Variants in CCDC88B observed in about 807,000 individuals in gnomAD.
CCDC88B encodes the protein coiled-coil domain-containing protein 88B.
CCDC88B carries 138 observed loss-of-function variants against 183.7 expected under a neutral mutation model. That is an observed-to-expected ratio of 0.75 (90% confidence interval 0.65 to 0.87). The LOEUF (loss-of-function observed/expected upper bound fraction) is 0.87, where lower values mean the gene tolerates loss of function less well. Ranked by LOEUF, CCDC88B falls within the 40% of genes least tolerant of loss-of-function variation. The pLI is 0.00. For missense variants in CCDC88B, 1,822 were observed against 1,965.6 expected (o/e 0.93, Z 1.38); for synonymous variants, 835 against 867.5 (o/e 0.96, Z 0.66).
intron 20 of CCDC88B, 74 bp downstream of exon 20, chr11:64,352,961 T>A: frequency 6.6e-7 from 1 of 1,508,238 alleles, no homozygotes; most frequent in Non-Finnish European, 8.9e-7. Context: ...TGTGGGGTCC[T>A]GTCTGGCCTC....
intron 14 of CCDC88B, 97 bp downstream of exon 14, chr11:64,345,254 G>T: frequency 7.4e-7 from 1 of 1,345,636 alleles, no homozygotes; most frequent in Non-Finnish European, 1.0e-6. Flanking sequence ...TGGGTGCCCA[G>T]CACTGAGCTG....
intron 17 of CCDC88B, 33 bp from the exon 18 acceptor site, chr11:64,351,443 A>C (rs775311599): frequency 6.4e-7 from 1 of 1,569,934 alleles, no homozygotes; most frequent in South Asian, 1.2e-5. Context: ...TGCCCCCGCC[A>C]CCTGGCTATT....
chr11:64,347,371 C>T (rs191081826), intron 14 of CCDC88B, among the ~76,000 whole-genome samples: 40 of 152,328 alleles, frequency 2.6e-4, no homozygotes, highest in Non-Finnish European at 4.1e-4. Flanking sequence ...GGCCCCAGTG[C>T]TAGGGGACCT....
At chr11:64,348,773 C>T in intron 14 of CCDC88B, 1 of 553,376 alleles carries the variant, frequency 1.8e-6, no homozygotes, top group Non-Finnish European at 3.2e-6. Context: ...CCAGAATGGG[C>T]CTCCCGTCTC....
chr11:64,341,960 A>G lies in CCDC88B; in HGVS notation c.676-34A>G, dbSNP rs371949923. The G allele has an allele frequency of 1.5e-5, 24 of 1,607,206 alleles. No homozygotes were observed. In the African/African-American group the frequency reaches 3.1e-4, roughly 21 times the overall value. ...GGGTCGATGTGCAGAGGCATTGGAT[A>G]AGTTAGTCCTGACCCTTGACCCCTG... On this transcript the variant is annotated intron_variant, in intron 7 of 26. Coordinates refer to ENST00000356786, the MANE Select transcript of CCDC88B (RefSeq NM_032251.6).
chr11:64,353,103 G>A lies in CCDC88B; in HGVS notation c.3550G>A (p.Gly1184Ser). ...ELSRERGELQ[G>S]ERGELRGRLA... ...GTCTCGGGAGCGGGGTGAGCTGCAG[G>A]GTGAACGCGGGGAGCTACGGGGCCG... Residue 1184 changes from glycine (G) to serine (S), a missense_variant, in exon 21 of 27, where the codon GGT (glycine) becomes AGT (serine). Physicochemically the swap from Gly to Ser is moderately conservative, Grantham distance 56 (BLOSUM62 0). Transcript: ENST00000356786. 1 of 1,607,288 alleles carries A rather than the reference G, an allele frequency of 6.2e-7. No individual in the cohort carries two copies. Among genetic ancestry groups the A allele is most frequent in the African/African-American group, 1.3e-5 (1 of 74,902 alleles).
rs573080258 is a variant in CCDC88B, at chr11:64,343,794, G to A, written c.1335G>A (p.Ala445=). The A allele has an allele frequency of 1.9e-5, 30 of 1,579,684 alleles. No individual in the cohort carries two copies. Among genetic ancestry groups the A allele is most frequent in the South Asian group, 3.5e-5 (3 of 86,586 alleles). Residue 445 remains alanine, a synonymous_variant, in exon 13 of 27, where the codon GCG becomes GCA. Transcript: ENST00000356786. ...GSPGEAPLAG[A]APSLQDEVRE... ...CATCCTCAGCACCCCTAGCAGGAGCGGCCCCCTCGCTGCAAGATGAGGTGA... is the reference window on the plus strand; with the variant it reads ...CATCCTCAGCACCCCTAGCAGGAGCAGCCCCCTCGCTGCAAGATGAGGTGA...
chr11:64,342,565 G>T lies in CCDC88B; in HGVS notation c.947G>T (p.Arg316Leu). The T allele has an allele frequency of 6.5e-7, 1 of 1,531,734 alleles. No homozygotes were observed. The highest frequency in any genetic ancestry group is 8.7e-7 in the Non-Finnish European group (1 of 1,145,404). 94.9% of individuals were successfully genotyped at this position (1,531,734 alleles called of 1,614,324 possible). A position where few individuals can be genotyped will look rare whatever the true frequency, so the allele number is the denominator to read the frequency against. The change falls in exon 10 of 27, where the codon CGC (arginine) becomes CTC (leucine). Residue 316 changes from arginine to leucine, a missense_variant. Arg to Leu is a moderately radical substitution (Grantham distance 102). Coordinates refer to ENST00000356786, the MANE Select transcript of CCDC88B (RefSeq NM_032251.6). ...SGQAKRAELY[R>L]EEAEALRERA... ...CAGGCCAAGCGGGCCGAGCTGTACC[G>T]CGAGGAGGCAGAGGCGCTGCGGGAG...
rs376776335 is a variant in CCDC88B, at chr11:64,340,521, G to T, written c.61-86G>T. On this transcript the variant is annotated intron_variant, in intron 1 of 26. Transcript: ENST00000356786. ...ACAGAGGCACTCAGAGGACGGGTGA[G>T]AAGGGGTGCTTGGGCTCACTGGGGC... is the stretch of plus-strand genomic sequence containing the variant. 3.5e-4 allele frequency: 544 copies of T among 1,534,778 alleles called. 2 individuals carry two copies. In the African/African-American group the frequency reaches 6.6e-3, roughly 19 times the overall value.
rs748329630 is a variant in CCDC88B at position 64,344,809 on chromosome 11, G to A, written c.2268G>A (p.Glu756=). ...DELEAQARKL[E]AQNTEAARLS... ...TGGAAGCCCAGGCCCGCAAGCTGGA[G>A]GCCCAAAACACGGAGGCTGCCCGCC... Residue 756 remains glutamate (E), a synonymous_variant, in exon 14 of 27, where the codon GAG becomes GAA. Transcript: ENST00000356786. The surrounding 1 kb of genome is among the most constrained non-coding windows in gnomAD (Gnocchi z 4.5). The A allele has an allele frequency of 7.4e-6, 12 of 1,612,460 alleles. No individual in the cohort carries two copies. The highest frequency in any genetic ancestry group is 1.0e-5 in the Non-Finnish European group (12 of 1,179,402).
intron 16 of CCDC88B, 93 bp from the exon 17 acceptor site, chr11:64,351,067 T>C (rs1254097503): frequency 1.6e-5 from 14 of 861,866 alleles, no homozygotes; most frequent in Non-Finnish European, 2.2e-5. Flanking sequence ...GGCTAAATGC[T>C]GCTGGCAGGG....
intron 16 of CCDC88B, 39 bp downstream of exon 16, chr11:64,349,707 C>A: frequency 6.5e-7 from 1 of 1,534,222 alleles, no homozygotes. Context: ...GCCATGCCAC[C>A]CTGCCCTCCA....
intron 2 of CCDC88B, 49 bp from the exon 3 acceptor site, chr11:64,340,858 G>A: frequency 1.3e-6 from 2 of 1,535,320 alleles, no homozygotes. Context: ...GACGGTGGGC[G>A]AGGCCTGTTG....
chr11:64,351,399 G>A, intron 17 of CCDC88B, 77 bp from the exon 18 acceptor site: 1 of 1,540,616 alleles, frequency 6.5e-7, no homozygotes, highest in South Asian at 1.2e-5. Flanking sequence ...GCCCCATGCA[G>A]TGTGAGTGTG....
At position 64,340,644 on chromosome 11, in the gene CCDC88B, A is replaced by G. The variant is rs778183435; in HGVS notation, c.98A>G (p.Asp33Gly). The G allele has an allele frequency of 6.2e-7, 1 of 1,610,614 alleles. No homozygotes were observed. Among genetic ancestry groups the G allele is most frequent in the Admixed American group, 1.7e-5 (1 of 59,924 alleles). The change falls in exon 2 of 27, where the codon GAC (aspartate) becomes GGC (glycine). Residue 33 changes from aspartate to glycine, a missense_variant. Transcript: ENST00000356786. ...GCCGGGCTGGTCGGGGAGGCGGAGG[A>G]CTCGGAGGGGGAAGAAGAGGAAGAG... ...GLAGLVGEAE[D>G]SEGEEEEEEE...
Position 64,341,182 on chromosome 11 carries a change from C to A in CCDC88B, c.388+4C>A, listed in dbSNP as rs933443506. On this transcript the variant is annotated splice_donor_region_variant and intron_variant, in intron 4 of 26. Transcript: ENST00000356786. The stretch of plus-strand genomic sequence containing the variant: ...TTGGGATTTGACCCTCTCTCAGGTG[C>A]TCTCCCCACCCACACCCTCCTGCCT... The A allele has an allele frequency of 1.9e-6, 3 of 1,614,000 alleles. No individual in the cohort carries two copies.
At position 64,344,672 on chromosome 11, in the gene CCDC88B, T is replaced by A. The variant is rs201723213; in HGVS notation, c.2131T>A (p.Trp711Arg). ...KSEGALEVQV[W>R]EGPIPGESLA... Reference sequence around the variant, plus strand: ...AGAAGGGGCTCTTGAGGTCCAGGTCTGGGAAGGCCCAATCCCAGGGGAGAG... The same window carrying A: ...AGAAGGGGCTCTTGAGGTCCAGGTCAGGGAAGGCCCAATCCCAGGGGAGAG... The change falls in exon 14 of 27, where the codon TGG becomes AGG. Residue 711 changes from tryptophan to arginine, a missense_variant. Trp to Arg is a moderately radical substitution (Grantham distance 101). Transcript: ENST00000356786. This position sits in a 1 kb window ranked among gnomAD's most constrained non-coding sequence, Gnocchi z 4.5. The A allele has an allele frequency of 1.4e-4, 226 of 1,614,002 alleles. 1 individual carries two copies. The highest frequency in any genetic ancestry group is 1.3e-3 in the Admixed American group (81 of 60,022).
rs971949522 is a variant in CCDC88B, at chr11:64,341,459, C to T, written c.486C>T (p.Gly162=). 1.9e-6 allele frequency: 3 copies of T among 1,613,876 alleles called. No individual in the cohort carries two copies. Among genetic ancestry groups the T allele is most frequent in the Non-Finnish European group, 2.5e-6 (3 of 1,180,014 alleles). Residue 162 remains glycine (G), a synonymous_variant, in exon 6 of 27, where the codon GGC becomes GGT. Coordinates refer to ENST00000356786, the MANE Select transcript of CCDC88B (RefSeq NM_032251.6). ...HRELFIRHIQ[G]LSLEVQSELA... ...AACTCTTCATCCGCCACATCCAGGG[C>T]CTCAGTCTCGAGGTCCAGAGCGAGC...
rs776703306 is a variant in CCDC88B, at chr11:64,349,376, C to A, written c.2662C>A (p.Leu888Met). The A allele has an allele frequency of 6.2e-7, 1 of 1,612,958 alleles. No individual in the cohort carries two copies. Among genetic ancestry groups the A allele is most frequent in the Non-Finnish European group, 8.5e-7 (1 of 1,179,706 alleles). The change falls in exon 15 of 27, where the codon CTG becomes ATG. Residue 888 changes from leucine (L) to methionine (M), a missense_variant. Leu to Met is a conservative substitution (Grantham distance 15, BLOSUM62 2). Coordinates refer to ENST00000356786, the MANE Select transcript of CCDC88B (RefSeq NM_032251.6). ...GCGGGGCAAGGAGTTGGGGGACCGG[C>A]TGGAGCATTTGCAGCGTGAGCTGGA... is the stretch of plus-strand genomic sequence containing the variant. ...VVRGKELGDR[L>M]EHLQRELEQA...
Sources: gnomAD v4.1 joint callset for allele counts (sites outside exome capture counted in the v4.1 genomes callset) on GRCh38, gnomAD v4.1.1 for gene constraint, Gnocchi (gnomAD v3.1) non-coding constraint, MANE v1.5 for transcripts, NCBI Gene and HGNC (gene_info 2026-07-23, HGNC 2026-07-21) for gene names.